FBN1: variants seen among roughly 807,000 people sequenced by gnomAD.
The protein encoded by FBN1 is fibrillin 1.
In FBN1, 29 loss-of-function variants were observed where a neutral mutation model predicts 365.1. The ratio of observed to expected loss-of-function variants is 0.08; its 90% CI spans 0.06 to 0.11. The LOEUF (loss-of-function observed/expected upper bound fraction) is 0.11, where lower values mean the gene tolerates loss of function less well. Among genes scored for constraint, FBN1 ranks in the 10% least tolerant of loss-of-function variants. The pLI is 1.00. For synonymous variants in FBN1, 1,210 were observed against 1,270.5 expected (o/e 0.95, Z 1.01); for missense variants, 2,476 against 3,703.2 (o/e 0.67, Z 8.60).
In FBN1 at chr15:48,415,583, G is replaced by A. The variant is rs371285755; in HGVS notation, c.8004C>T (p.Gly2668=). The A allele has an allele frequency of 2.2e-5, 35 of 1,614,034 alleles. No homozygotes were observed. The highest frequency in any genetic ancestry group is 8.0e-5 in the African/African-American group (6 of 74,914). ...PCSYGCSNTE[G]GYLCGCPPGY... is the part of the protein sequence containing the mutation. ...CAGGTGGACAGCCACACAGGTAACC[G>A]CCCTCGGTATTGGAACAGCCATAGC... Residue 2668 remains glycine, a synonymous_variant, in exon 64 of 66, where the codon GGC becomes GGT. Coordinates refer to ENST00000316623, the MANE Select transcript of FBN1 (RefSeq NM_000138.5).
At chr15:48,481,130 A>G (rs2141286735) in intron 32 of FBN1, among the ~76,000 whole-genome samples, 1 of 152,338 alleles carries the variant, frequency 6.6e-6, no homozygotes, top group South Asian at 2.1e-4. Context: ...AGATTTGCTA[A>G]GTCCCATGAA....
At chr15:48,569,105 TA>T (rs1443577477) in intron 6 of FBN1, among the ~76,000 whole-genome samples, 8 of 151,986 alleles carry the variant, frequency 5.3e-5, no homozygotes, top group African/African-American at 1.9e-4. Flanking sequence ...GAACTTGCAT[TA>T]AAAACTACAA....
intron 2 of FBN1, among the ~76,000 whole-genome samples, chr15:48,639,308 G>A (rs1274933525): frequency 1.3e-5 from 2 of 152,168 alleles, no homozygotes; most frequent in South Asian, 2.1e-4. Flanking sequence ...AGGATTCAAT[G>A]AATTATCATA....
At chr15:48,622,379 A>G (rs1255857099) in intron 2 of FBN1, among the ~76,000 whole-genome samples, 2 of 152,152 alleles carry the variant, frequency 1.3e-5, no homozygotes, top group East Asian at 3.9e-4. Flanking sequence ...ATGCATGGTA[A>G]GCTCAGAAGA....
Position 48,487,418 on chromosome 15 carries a change from T to C in FBN1, c.3357A>G (p.Arg1119=). The change falls in exon 28 of 66, where the codon AGA becomes AGG. Residue 1119 remains arginine (R), a synonymous_variant. Transcript: ENST00000316623. ...KNCMDIDECQ[R]DPLLCRGGVC... The stretch of plus-strand genomic sequence containing the variant: ...CACCACCTCGGCATAGGAGAGGATC[T>C]CTCTGACACTCATCAATATCTGCAA... The C allele has an allele frequency of 6.2e-7, 1 of 1,614,094 alleles. No homozygotes were observed. The highest frequency in any genetic ancestry group is 8.5e-7 in the Non-Finnish European group (1 of 1,180,004).
At chr15:48,510,514 T>C (rs2043750221) in intron 13 of FBN1, among the ~76,000 whole-genome samples, 1 of 152,188 alleles carries the variant, frequency 6.6e-6, no homozygotes, top group Non-Finnish European at 1.5e-5. Context: ...TTGGCTGGCA[T>C]CTTTAAACAT....
At chr15:48,450,242 T>C (rs2043190550) in intron 45 of FBN1, among the ~76,000 whole-genome samples, 2 of 152,198 alleles carry the variant, frequency 1.3e-5, no homozygotes, top group Admixed American at 1.3e-4. Context: ...CAGGTAGGAC[T>C]GGACCTGGAG....
chr15:48,614,892 C>A (rs1889623381), intron 2 of FBN1, among the ~76,000 whole-genome samples: 1 of 152,096 alleles, frequency 6.6e-6, no homozygotes, highest in Non-Finnish European at 1.5e-5. Context: ...AGTGGAAACA[C>A]AAGGAATAAA....
intron 53 of FBN1, among the ~76,000 whole-genome samples, chr15:48,435,724 ATGTGTATATATATG>A (rs1177439299): frequency 1.4e-5 from 2 of 143,458 alleles, no homozygotes; most frequent in Admixed American, 7.0e-5. Flanking sequence ...GTGTATATAT[ATGTGTATATATATG>A]TGTGTATATA....
chr15:48,608,987 C>T (rs1218154522), intron 4 of FBN1, among the ~76,000 whole-genome samples: 3 of 152,348 alleles, frequency 2.0e-5, no homozygotes, highest in East Asian at 3.9e-4. Flanking sequence ...CAGAGGAGTG[C>T]AATGTTGTTA....
chr15:48,582,194 T>C, intron 6 of FBN1, among the ~76,000 whole-genome samples: 1 of 152,220 alleles, frequency 6.6e-6, no homozygotes, highest in East Asian at 1.9e-4. Context: ...AAATAAACTA[T>C]GCCTGAAAAC....
At position 48,463,040 on chromosome 15, in the gene FBN1, T is replaced by C. The variant is rs761098592; in HGVS notation, c.5224+42A>G. 1.3e-5 allele frequency: 20 copies of C among 1,593,948 alleles called. No individual in the cohort carries two copies. In the Admixed American group the frequency reaches 2.8e-4, roughly 23 times the overall value. ...ATTTCCCCAACAATTCATGGGTAAT[T>C]TTTCAACCTATATTTTTGATAATGG... On this transcript the variant is annotated intron_variant, in intron 42 of 65. Coordinates refer to ENST00000316623, the MANE Select transcript of FBN1 (RefSeq NM_000138.5).
At chr15:48,541,061 A>G (rs916678428) in intron 6 of FBN1, among the ~76,000 whole-genome samples, 1 of 152,074 alleles carries the variant, frequency 6.6e-6, no homozygotes, top group Non-Finnish European at 1.5e-5. Context: ...TCTGTCTGCC[A>G]CTGATTCATA....
chr15:48,618,357 G>GA (rs1217504026), intron 2 of FBN1, among the ~76,000 whole-genome samples: 1 of 152,080 alleles, frequency 6.6e-6, no homozygotes, highest in Non-Finnish European at 1.5e-5. Flanking sequence ...GATAAAAAAA[G>GA]AAAAAACATC....
In FBN1 at chr15:48,623,968, AACAC is replaced by A. The variant is rs145521473; in HGVS notation, c.165-10880_165-10877del. On this transcript the variant is annotated intron_variant, in intron 2 of 65. Coordinates refer to ENST00000316623, the MANE Select transcript of FBN1 (RefSeq NM_000138.5). ...TCACATACACACACACAAAGACACA[AACAC>A]ACACACACACACACACACACACACG... 4.9e-3 allele frequency among the ~76,000 whole-genome samples: 724 copies of A among 146,482 alleles called. 4 individuals carry two copies. The highest frequency in any genetic ancestry group is 0.015 in the African/African-American group (592 of 40,122).
intron 7 of FBN1, 152 bp from the exon 8 acceptor site, chr15:48,534,357 CTG>C: frequency 2.6e-6 from 2 of 760,992 alleles, no homozygotes; most frequent in African/African-American, 1.7e-5. Flanking sequence ...ATTAGAGAAA[CTG>C]TTTCTCACAA....
At chr15:48,449,688 G>A (rs928408769) in intron 45 of FBN1, among the ~76,000 whole-genome samples, 7 of 152,140 alleles carry the variant, frequency 4.6e-5, no homozygotes, top group Non-Finnish European at 4.4e-5. Context: ...TCTATGTTTA[G>A]AGTAAATGTA....
At chr15:48,579,569 T>C (rs1284167639) in intron 6 of FBN1, among the ~76,000 whole-genome samples, 1 of 152,172 alleles carries the variant, frequency 6.6e-6, no homozygotes, top group African/African-American at 2.4e-5. Flanking sequence ...ATAGCTCAGG[T>C]CTCTGAAGAA....
intron 2 of FBN1, among the ~76,000 whole-genome samples, chr15:48,617,610 C>T (rs1597636094): frequency 6.6e-6 from 1 of 152,196 alleles, no homozygotes; most frequent in East Asian, 1.9e-4. Context: ...TTACCAGTTA[C>T]TTTCAATATT....
Sources: gnomAD v4.1 joint callset for allele counts (sites outside exome capture counted in the v4.1 genomes callset) on GRCh38, gnomAD v4.1.1 for gene constraint, MANE v1.5 for transcripts, NCBI Gene and HGNC (gene_info 2026-07-23, HGNC 2026-07-21) for gene names.